CDH12: variants seen among roughly 807,000 people sequenced by gnomAD.
CDH12 encodes the protein cadherin-12.
In CDH12, 41 loss-of-function variants were observed where a neutral mutation model predicts 74.1. The observed-to-expected ratio is 0.55, with a 90% confidence interval of 0.43 to 0.72. CDH12 has a LOEUF of 0.72. Ranked by LOEUF, CDH12 falls within the 30% of genes least tolerant of loss-of-function variation. CDH12 has a pLI of 0.00. For synonymous variants in CDH12, 399 were observed against 355.0 expected, an observed-to-expected ratio of 1.12 and a Z score of -1.39; for missense variants, 945 against 977.2, an observed-to-expected ratio of 0.97 and a Z score of 0.44.
chr5:22,006,581 TC>T (rs1736971910), intron 5 of CDH12, among the ~76,000 whole-genome samples: 1 of 152,254 alleles, frequency 6.6e-6, no homozygotes, highest in African/African-American at 2.4e-5. Flanking sequence ...CAGTTTTGAA[TC>T]TTATGTCTGA....
chr5:21,828,874 C>T (rs1282083265), intron 8 of CDH12, among the ~76,000 whole-genome samples: 1 of 137,482 alleles, frequency 7.3e-6, no homozygotes, highest in Non-Finnish European at 1.6e-5. Context: ...ATTTGTTTCA[C>T]ATTTGTATGC....
chr5:22,787,808 C>A (rs1345109598), intron 1 of CDH12, among the ~76,000 whole-genome samples: 2 of 152,204 alleles, frequency 1.3e-5, no homozygotes, highest in African/African-American at 4.8e-5. Context: ...TTTCCAGAGT[C>A]ATCAGTCTTT....
chr5:22,732,250 A>G (rs1183565327), intron 1 of CDH12, among the ~76,000 whole-genome samples: 2 of 151,672 alleles, frequency 1.3e-5, no homozygotes, highest in Admixed American at 6.6e-5. Context: ...CTCTGTATAT[A>G]TCTTTGTCCT....
chr5:22,261,073 G>A (rs7721440), intron 3 of CDH12, among the ~76,000 whole-genome samples: 95,940 of 149,838 alleles, frequency 0.64, 30,921 homozygotes, highest in East Asian at 0.75. Flanking sequence ...GTGTGTGTGT[G>A]TATATACACA....
chr5:22,588,039 C>T (rs1204521522), intron 1 of CDH12, among the ~76,000 whole-genome samples: 2 of 149,142 alleles, frequency 1.3e-5, no homozygotes, highest in South Asian at 2.1e-4. Flanking sequence ...TATATACACA[C>T]ATATATATGT....
Position 22,359,521 on chromosome 5 carries a change from C to T in CDH12, c.-333+45736G>A, listed in dbSNP as rs563847218. ...CCACTGTCAACATTAGACAGATCAA[C>T]GAGACAGAAAGTTAATATGGATATC... On this transcript the variant is annotated intron_variant, in intron 3 of 14. Coordinates refer to ENST00000382254, the MANE Select transcript of CDH12 (RefSeq NM_004061.5). Among the ~76,000 whole-genome samples the T allele has an allele frequency of 1.2e-4, 18 of 152,174 alleles. No individual in the cohort carries two copies. In the South Asian group the frequency reaches 1.7e-3, roughly 14 times the overall value.
chr5:22,184,303 C>T (rs191071909), intron 4 of CDH12, among the ~76,000 whole-genome samples: 1,545 of 152,184 alleles, frequency 0.01, 11 homozygotes, highest in Non-Finnish European at 0.015. Flanking sequence ...AAAATTGACC[C>T]TTGGTTTTTG....
intron 2 of CDH12, among the ~76,000 whole-genome samples, chr5:22,448,745 C>A (rs551237756): frequency 1.3e-5 from 2 of 151,908 alleles, no homozygotes; most frequent in South Asian, 2.1e-4. Context: ...ACAGTCTTAT[C>A]CTGGATACAA....
At chr5:22,256,848 C>G (rs1164035663) in intron 3 of CDH12, among the ~76,000 whole-genome samples, 2 of 152,030 alleles carry the variant, frequency 1.3e-5, no homozygotes, top group African/African-American at 4.8e-5. Context: ...GGAATATACC[C>G]AAAGGATACA....
At chr5:22,651,398 C>A (rs913809156) in intron 1 of CDH12, among the ~76,000 whole-genome samples, 1 of 152,022 alleles carries the variant, frequency 6.6e-6, no homozygotes, top group African/African-American at 2.4e-5. Context: ...GCTGGGGAGG[C>A]CTCAGGAAAC....
intron 1 of CDH12, among the ~76,000 whole-genome samples, chr5:22,535,403 G>A (rs542892339): frequency 1.2e-3 from 175 of 151,996 alleles, no homozygotes; most frequent in African/African-American, 4.1e-3. Flanking sequence ...TGATCCGCCC[G>A]CCTTGGCCTC....
intron 3 of CDH12, among the ~76,000 whole-genome samples, chr5:22,327,784 A>G (rs1249678762): frequency 1.3e-5 from 2 of 152,192 alleles, no homozygotes; most frequent in East Asian, 3.8e-4. Context: ...AGGTTACATG[A>G]CATGCTTTAA....
chr5:21,942,463 T>C (rs1755382985), intron 6 of CDH12, among the ~76,000 whole-genome samples: 1 of 151,196 alleles, frequency 6.6e-6, no homozygotes, highest in Non-Finnish European at 1.5e-5. Context: ...ACCTAGGTTC[T>C]TATATTTTTA....
chr5:22,000,755 G>A (rs1255417203), intron 5 of CDH12, among the ~76,000 whole-genome samples: 1 of 152,046 alleles, frequency 6.6e-6, no homozygotes, highest in Non-Finnish European at 1.5e-5. Context: ...TATTTTACGT[G>A]CCATACATGT....
At chr5:22,840,630 T>C (rs1050212985) in intron 1 of CDH12, among the ~76,000 whole-genome samples, 2 of 152,020 alleles carry the variant, frequency 1.3e-5, no homozygotes, top group Non-Finnish European at 2.9e-5. Context: ...TTCTCATCTC[T>C]TGAAATATAT....
At chr5:22,101,339 G>A (rs1293103465) in intron 4 of CDH12, among the ~76,000 whole-genome samples, 1 of 152,056 alleles carries the variant, frequency 6.6e-6, no homozygotes, top group Non-Finnish European at 1.5e-5. Context: ...TGTATGTATT[G>A]TATATTTATA....
intron 7 of CDH12, among the ~76,000 whole-genome samples, chr5:21,850,399 G>A (rs1750400660): frequency 6.6e-6 from 1 of 151,412 alleles, no homozygotes; most frequent in South Asian, 2.1e-4. Flanking sequence ...ATTTATATGT[G>A]TGTGTGTATC....
chr5:21,897,235 A>G (rs1753167624), intron 6 of CDH12, among the ~76,000 whole-genome samples: 1 of 152,144 alleles, frequency 6.6e-6, no homozygotes, highest in African/African-American at 2.4e-5. Flanking sequence ...GTTGACAGAA[A>G]TTTTCAGCAT....
chr5:22,520,452 T>G (rs1207991181), intron 1 of CDH12, among the ~76,000 whole-genome samples: 1 of 152,138 alleles, frequency 6.6e-6, no homozygotes, highest in Non-Finnish European at 1.5e-5. Flanking sequence ...ATAAGTTAGA[T>G]TCAAGTAACC....
Sources: allele counts gnomAD v4.1 joint callset (sites outside exome capture counted in the v4.1 genomes callset), GRCh38; gene constraint gnomAD v4.1.1; transcripts MANE v1.5; gene names NCBI Gene and HGNC (gene_info 2026-07-23, HGNC 2026-07-21).